KDM2A: variants seen among roughly 807,000 people sequenced by gnomAD.
KDM2A encodes the protein lysine-specific demethylase 2A.
In KDM2A, 3 loss-of-function variants were observed where a neutral mutation model predicts 137.3. That is an observed-to-expected ratio of 0.02 (90% CI 0.01 to 0.06). The LOEUF (loss-of-function observed/expected upper bound fraction) is 0.06. KDM2A is among the 10% of genes least tolerant of loss of function. The probability of loss-of-function intolerance (pLI) is 1.00; values close to 1 mark genes in which losing one functional copy is unlikely to be tolerated. For missense variants in KDM2A, 738 were observed against 1,510.6 expected (o/e 0.49, Z 8.48); for synonymous variants, 512 against 541.5 (o/e 0.95, Z 0.76).
chr11:67,125,605 C>G (rs1016370583), intron 2 of KDM2A, among the ~76,000 whole-genome samples: 1 of 151,406 alleles, frequency 6.6e-6, no homozygotes, highest in Non-Finnish European at 1.5e-5. Context: ...AATCCCATCT[C>G]TACTAAAAAT....
chr11:67,197,998 A>AG (rs1857522228), intron 5 of KDM2A, among the ~76,000 whole-genome samples: 2 of 151,848 alleles, frequency 1.3e-5, no homozygotes, highest in Non-Finnish European at 2.9e-5. Flanking sequence ...AAGTAAGATA[A>AG]AAATTCCTTA....
chr11:67,173,614 C>T (rs1195352323), intron 2 of KDM2A, among the ~76,000 whole-genome samples: 8 of 152,014 alleles, frequency 5.3e-5, no homozygotes, highest in Admixed American at 5.2e-4. Flanking sequence ...GTCTTGAATT[C>T]CTGGGCCAAA....
intron 5 of KDM2A, among the ~76,000 whole-genome samples, chr11:67,191,934 T>C (rs1446419224): frequency 1.3e-5 from 2 of 152,212 alleles, no homozygotes; most frequent in East Asian, 1.9e-4. Context: ...TATTTGTTAT[T>C]AGTATTTTTC....
At chr11:67,131,305 CAA>C (rs1281897011) in intron 2 of KDM2A, among the ~76,000 whole-genome samples, 3 of 151,718 alleles carry the variant, frequency 2.0e-5, no homozygotes, top group Non-Finnish European at 2.9e-5. Context: ...GCCTGGGTGA[CAA>C]GAGCGAAACT....
intron 10 of KDM2A, among the ~76,000 whole-genome samples, chr11:67,225,865 G>C (rs1313181265): frequency 1.3e-5 from 2 of 151,982 alleles, no homozygotes; most frequent in African/African-American, 4.8e-5. Context: ...AGGAGTTCGA[G>C]ACCAGCCTGG....
At chr11:67,136,690 C>T (rs1380203901) in intron 2 of KDM2A, among the ~76,000 whole-genome samples, 1 of 152,118 alleles carries the variant, frequency 6.6e-6, no homozygotes, top group Non-Finnish European at 1.5e-5. Context: ...TTCAGGGGTT[C>T]TGGGGACCAG....
intron 2 of KDM2A, among the ~76,000 whole-genome samples, chr11:67,171,479 G>A (rs1590746381): frequency 1.7e-5 from 1 of 59,652 alleles, no homozygotes; most frequent in African/African-American, 2.7e-5. Flanking sequence ...CCAAGGGAAA[G>A]TTGAGATCTG....
chr11:67,245,851 C>T lies in KDM2A; in HGVS notation c.1834-134C>T. 1 of 1,058,144 alleles carries T rather than the reference C, an allele frequency of 9.5e-7. No homozygotes were observed. Among genetic ancestry groups the T allele is most frequent in the Non-Finnish European group, 1.4e-6 (1 of 739,830 alleles). 65.5% of individuals were successfully genotyped at this position (1,058,144 alleles called of 1,614,324 possible). The stretch of plus-strand genomic sequence containing the variant: ...TTCCTACCCAAAACCTCCGTTCTCT[C>T]CACCCTGCCTCCATGCTTCCAGGTG... On this transcript the variant is annotated intron_variant, in intron 14 of 20. Transcript: ENST00000529006. The surrounding 1 kb of genome is among the most constrained non-coding windows in gnomAD (Gnocchi z 4.1).
At chr11:67,184,683 CT>C (rs935109916) in intron 5 of KDM2A, among the ~76,000 whole-genome samples, 4 of 152,138 alleles carry the variant, frequency 2.6e-5, no homozygotes, top group Admixed American at 6.5e-5. Flanking sequence ...TTAGTTTTCT[CT>C]TTTCCCCTTT....
At chr11:67,146,491 A>T (rs1327176541) in intron 2 of KDM2A, among the ~76,000 whole-genome samples, 1 of 151,892 alleles carries the variant, frequency 6.6e-6, no homozygotes, top group African/African-American at 2.4e-5. Flanking sequence ...ACTGTGACAG[A>T]TTCTCTCTCT....
In KDM2A at chr11:67,253,779, A is replaced by G. The variant is rs113216545; in HGVS notation, c.3091+168A>G. Among the ~76,000 whole-genome samples, 612 of 152,372 alleles carry G rather than the reference A, an allele frequency of 4.0e-3. 6 individuals carry two copies. Among genetic ancestry groups the G allele is most frequent in the African/African-American group, 0.014 (586 of 41,590 alleles). ...CTGTGTACAAGAATAGGGTAACTATAAGCAGATAACTACCTACAAACAATG... is the reference window on the plus strand; with the variant it reads ...CTGTGTACAAGAATAGGGTAACTATGAGCAGATAACTACCTACAAACAATG... On this transcript the variant is annotated intron_variant, in intron 19 of 20. Transcript: ENST00000529006.
At chr11:67,156,484 G>A (rs1432928043) in intron 2 of KDM2A, among the ~76,000 whole-genome samples, 2 of 151,518 alleles carry the variant, frequency 1.3e-5, no homozygotes, top group East Asian at 2.0e-4. Flanking sequence ...TTTGGGAGGC[G>A]AGGTGGGCGG....
At chr11:67,232,419 C>T (rs879671416) in intron 12 of KDM2A, among the ~76,000 whole-genome samples, 2 of 152,198 alleles carry the variant, frequency 1.3e-5, no homozygotes, top group African/African-American at 4.8e-5. Flanking sequence ...AGCATCAAGA[C>T]TTAAATACAT....
intron 2 of KDM2A, among the ~76,000 whole-genome samples, chr11:67,133,365 G>C (rs1855897948): frequency 6.6e-6 from 1 of 152,058 alleles, no homozygotes; most frequent in South Asian, 2.1e-4. Flanking sequence ...GCCTCCCAAA[G>C]GGCTGGGATT....
At chr11:67,188,537 A>G (rs573466066) in intron 5 of KDM2A, among the ~76,000 whole-genome samples, 1 of 150,882 alleles carries the variant, frequency 6.6e-6, no homozygotes, top group East Asian at 2.0e-4. Flanking sequence ...ACACGTCTGT[A>G]ATCCCAACTT....
At chr11:67,188,042 A>T (rs1857250847) in intron 5 of KDM2A, among the ~76,000 whole-genome samples, 1 of 152,058 alleles carries the variant, frequency 6.6e-6, no homozygotes, top group African/African-American at 2.4e-5. Context: ...AAAAAATAAT[A>T]ATAGTAATTT....
At chr11:67,188,162 T>A (rs545799075) in intron 5 of KDM2A, among the ~76,000 whole-genome samples, 190 of 151,300 alleles carry the variant, frequency 1.3e-3, no homozygotes, top group Admixed American at 5.2e-3. Context: ...CCAGCCTGGG[T>A]GACAGAGCCA....
chr11:67,215,046 G>C (rs879941943), intron 6 of KDM2A, among the ~76,000 whole-genome samples: 5 of 152,050 alleles, frequency 3.3e-5, no homozygotes, highest in Non-Finnish European at 4.4e-5. Flanking sequence ...TATTGACATA[G>C]AAGAGAGTTC....
chr11:67,159,861 G>A (rs979705506), intron 2 of KDM2A, among the ~76,000 whole-genome samples: 2 of 152,146 alleles, frequency 1.3e-5, no homozygotes, highest in Admixed American at 6.5e-5. Flanking sequence ...CAGAAAAATA[G>A]AATCCATGAA....
Sources: gnomAD v4.1 joint callset for allele counts (sites outside exome capture counted in the v4.1 genomes callset) on GRCh38, gnomAD v4.1.1 for gene constraint, Gnocchi (gnomAD v3.1) non-coding constraint, MANE v1.5 for transcripts, NCBI Gene and HGNC (gene_info 2026-07-23, HGNC 2026-07-21) for gene names.